SMIM19: variants seen among roughly 807,000 people sequenced by gnomAD.
SMIM19 encodes UPF0697 protein C8orf40.
Under a neutral mutation model 13.2 loss-of-function variants are expected in SMIM19, and 6 were observed. The ratio of observed to expected loss-of-function variants is 0.45; its 90% CI spans 0.25 to 0.90. SMIM19 has a LOEUF of 0.90. Ranked by LOEUF, SMIM19 falls within the 40% of genes least tolerant of loss-of-function variation. The probability of loss-of-function intolerance (pLI) is 0.19; values close to 1 mark genes in which losing one functional copy is unlikely to be tolerated. For synonymous variants in SMIM19, 46 were observed against 43.1 expected (o/e 1.07, Z -0.27); for missense variants, 138 against 131.0 (o/e 1.05, Z -0.26).
chr8:42,548,478 T>G, intron 2 of SMIM19, 178 bp from the exon 3 acceptor site: 1 of 733,930 alleles, frequency 1.4e-6, no homozygotes, highest in South Asian at 1.5e-5. Context: ...CTCATACTTT[T>G]TAGTGAAAGA....
chr8:42,554,636 C>T lies in SMIM19; in HGVS notation c.*2028C>T, dbSNP rs1379168607. The stretch of plus-strand genomic sequence containing the variant: ...CCCACTGGCAGGAACAACAGCAAGC[C>T]GGCTTTGAAGTCTCTTCCCTGCTTC... On this transcript the variant is annotated 3_prime_UTR_variant, in exon 4 of 4. Transcript: ENST00000417410. 1 of 152,150 alleles carries T rather than the reference C, an allele frequency of 6.6e-6. No individual in the cohort carries two copies. The highest frequency in any genetic ancestry group is 2.1e-4 in the South Asian group (1 of 4,824). 9.4% of individuals were successfully genotyped at this position (152,150 alleles called of 1,614,324 possible). A position where few individuals can be genotyped will look rare whatever the true frequency, so the allele number is the denominator to read the frequency against.
rs1169024151 is a variant in SMIM19 at position 42,554,326 on chromosome 8, T to C, written c.*1718T>C. 6.6e-6 allele frequency: 1 copy of C among 152,260 alleles called. No homozygotes were observed. The highest frequency in any genetic ancestry group is 1.5e-5 in the Non-Finnish European group (1 of 68,054). The allele number at this position is 152,260 out of a possible 1,614,324, so 9.4% of individuals were successfully genotyped here. A position where few individuals can be genotyped will look rare whatever the true frequency, so the allele number is the denominator to read the frequency against. ...TTGCCTTTGCCTAGGAGAGCTACTG[T>C]ATATTTCCACAAGTGAATTTAATCA... On this transcript the variant is annotated 3_prime_UTR_variant, in exon 4 of 4. Coordinates refer to ENST00000417410, the MANE Select transcript of SMIM19 (RefSeq NM_001135674.2).
intron 1 of SMIM19, among the ~76,000 whole-genome samples, chr8:42,544,392 CAG>C (rs1391944229): frequency 1.4e-5 from 2 of 143,554 alleles, no homozygotes; most frequent in African/African-American, 2.6e-5. Flanking sequence ...GCCTGGGTGA[CAG>C]AGCGAGACTC....
chr8:42,542,801 C>T (rs1368798586), intron 1 of SMIM19, among the ~76,000 whole-genome samples: 1 of 145,750 alleles, frequency 6.9e-6, no homozygotes, highest in African/African-American at 2.7e-5. Context: ...CCCCACCCCA[C>T]CCCCGTCTTT....
At chr8:42,542,427 G>C (rs1286780000) in intron 1 of SMIM19, 54 bp downstream of exon 1, 1 of 985,274 alleles carries the variant, frequency 1.0e-6, no homozygotes, top group African/African-American at 1.7e-5. Flanking sequence ...AGAGGGATGA[G>C]AGAAAGAAAT....
intron 3 of SMIM19, among the ~76,000 whole-genome samples, chr8:42,550,390 G>T (rs74350452): frequency 0.012 from 1,804 of 152,210 alleles, 37 homozygotes; most frequent in African/African-American, 0.04. Flanking sequence ...CGGTTCGGTG[G>T]GTTAGAAGCT....
chr8:42,549,282 G>A (rs1243099411), intron 3 of SMIM19, among the ~76,000 whole-genome samples: 1 of 152,048 alleles, frequency 6.6e-6, no homozygotes, highest in East Asian at 1.9e-4. Flanking sequence ...CACACTTGCG[G>A]GTGCCTGTCA....
intron 3 of SMIM19, among the ~76,000 whole-genome samples, chr8:42,549,999 G>T (rs996575879): frequency 1.3e-5 from 2 of 151,984 alleles, no homozygotes; most frequent in African/African-American, 4.8e-5. Context: ...AGGAGGTTGA[G>T]GCAAGAGAAT....
chr8:42,553,898 C>T lies in SMIM19; in HGVS notation c.*1290C>T, dbSNP rs922902732. 1 of 151,868 alleles carries T rather than the reference C, an allele frequency of 6.6e-6. No homozygotes were observed. The highest frequency in any genetic ancestry group is 2.4e-5 in the African/African-American group (1 of 41,284). The allele number at this position is 151,868 out of a possible 1,614,324, so 9.4% of individuals were successfully genotyped here. ...TCAGGAGGCTGAGGCAGGAGAATTGCTCGAATCTGAGAGGTGGAGGTTGCA... is the reference window on the plus strand; with the variant it reads ...TCAGGAGGCTGAGGCAGGAGAATTGTTCGAATCTGAGAGGTGGAGGTTGCA... On this transcript the variant is annotated 3_prime_UTR_variant, in exon 4 of 4. Coordinates refer to ENST00000417410, the MANE Select transcript of SMIM19 (RefSeq NM_001135674.2).
chr8:42,550,906 G>T (rs1813652526), intron 3 of SMIM19, among the ~76,000 whole-genome samples: 1 of 152,138 alleles, frequency 6.6e-6, no homozygotes, highest in Non-Finnish European at 1.5e-5. Context: ...AAAGACACAG[G>T]CAACAGAATT....
intron 3 of SMIM19, among the ~76,000 whole-genome samples, chr8:42,551,806 T>G (rs1484575513): frequency 6.6e-6 from 1 of 151,872 alleles, no homozygotes; most frequent in African/African-American, 2.4e-5. Context: ...TAGCTGGGTG[T>G]GGTGATGTCC....
chr8:42,552,448 T>G, intron 3 of SMIM19, 96 bp from the exon 4 acceptor site: 1 of 1,320,344 alleles, frequency 7.6e-7, no homozygotes, highest in Non-Finnish European at 1.1e-6. Flanking sequence ...TAATTCTTCA[T>G]TGAGAATCAT....
Position 42,548,773 on chromosome 8 carries a change from T to G in SMIM19, c.252T>G (p.Tyr84Ter). The change falls in exon 3 of 4, where the codon TAT becomes TAG. Residue 84 changes from tyrosine (Y) to a stop codon, truncating the protein, a stop_gained. Transcript: ENST00000417410. LOFTEE classifies it high-confidence loss of function. ...KIRLRQQLEM[Y>*]SISRKYDYQQ... The stretch of plus-strand genomic sequence containing the variant: ...GTTTAAGACAACAACTGGAAATGTA[T>G]TCCATTTGTAAGTATATTCTGTGCT... 1 of 1,613,502 alleles carries G rather than the reference T, an allele frequency of 6.2e-7. No homozygotes were observed. Among genetic ancestry groups the G allele is most frequent in the Middle Eastern group, 1.7e-4 (1 of 6,058 alleles).
At chr8:42,544,113 T>C (rs1315300711) in intron 1 of SMIM19, among the ~76,000 whole-genome samples, 2 of 152,144 alleles carry the variant, frequency 1.3e-5, no homozygotes, top group African/African-American at 2.4e-5. Flanking sequence ...ATTGAAACTC[T>C]CAATATGTCA....
upstream of SMIM19, chr8:42,541,422 G>T (rs926403653): frequency 6.8e-5 from 10 of 147,376 alleles, no homozygotes; most frequent in South Asian, 4.2e-4. Flanking sequence ...GTCGCGGCGC[G>T]GTAGGGGAAA....
chr8:42,548,686 T>C lies in SMIM19; in HGVS notation c.165T>C (p.Ser55=). The C allele has an allele frequency of 6.2e-7, 1 of 1,613,916 alleles. No individual in the cohort carries two copies. Among genetic ancestry groups the C allele is most frequent in the Non-Finnish European group, 8.5e-7 (1 of 1,179,928 alleles). ...AAAGGAGAATTATGAGGATATTCAG[T>C]GTGCCACCTACAGAGGAAACTTTGT... ...RNKRRIMRIF[S]VPPTEETLSE... is the part of the protein sequence containing the mutation. The change falls in exon 3 of 4, where the codon AGT becomes AGC. Residue 55 remains serine, a synonymous_variant. Transcript: ENST00000417410.
At chr8:42,548,113 C>G (rs553455106) in intron 2 of SMIM19, among the ~76,000 whole-genome samples, 5 of 152,346 alleles carry the variant, frequency 3.3e-5, no homozygotes, top group African/African-American at 1.2e-4. Flanking sequence ...GATCACCTGG[C>G]AGGTGACCGC....
rs1813727361 is a variant in SMIM19 at position 42,553,219 on chromosome 8, G to GA, written c.*613dup. The GA allele has an allele frequency of 6.6e-6, 1 of 152,116 alleles. No individual in the cohort carries two copies. Among genetic ancestry groups the GA allele is most frequent in the Admixed American group, 6.6e-5 (1 of 15,266 alleles). The allele number at this position is 152,116 out of a possible 1,614,324, so 9.4% of individuals were successfully genotyped here. A position where few individuals can be genotyped will look rare whatever the true frequency, so the allele number is the denominator to read the frequency against. On this transcript the variant is annotated 3_prime_UTR_variant, in exon 4 of 4. Transcript: ENST00000417410. ...TTAATTAATGATCTTTGCTTCTTCAGAACTTGTATGGTAGACCGTCTTTTC... is the reference window on the plus strand; with the variant it reads ...TTAATTAATGATCTTTGCTTCTTCAGAAACTTGTATGGTAGACCGTCTTTTC...
intron 1 of SMIM19, among the ~76,000 whole-genome samples, chr8:42,545,118 C>T (rs1173767837): frequency 6.6e-6 from 1 of 152,212 alleles, no homozygotes; most frequent in Non-Finnish European, 1.5e-5. Flanking sequence ...AACAACACTT[C>T]TGGATTTTCT....
Sources: gnomAD v4.1 joint callset for allele counts (sites outside exome capture counted in the v4.1 genomes callset) on GRCh38, gnomAD v4.1.1 for gene constraint, MANE v1.5 for transcripts, NCBI Gene and HGNC (gene_info 2026-07-23, HGNC 2026-07-21) for gene names.